TCF4: variants seen among roughly 807,000 people sequenced by gnomAD.
The protein encoded by TCF4 is SL3-3 enhancer factor 2.
In TCF4, 3 loss-of-function variants were observed where a neutral mutation model predicts 82.1. The ratio of observed to expected loss-of-function variants is 0.04; its 90% CI spans 0.02 to 0.09. TCF4 has a LOEUF of 0.09. Ranked by LOEUF, TCF4 falls within the 10% of genes least tolerant of loss-of-function variation. The pLI, the probability that TCF4 is intolerant of heterozygous loss-of-function variation, is 1.00. For missense variants in TCF4, 518 were observed against 852.7 expected (o/e 0.61, Z 4.89); for synonymous variants, 276 against 309.6 (o/e 0.89, Z 1.14).
At chr18:55,635,783 A>C in exon 1 of TCF4, 1 of 1,551,214 alleles carries the variant, frequency 6.4e-7, no homozygotes, top group Non-Finnish European at 8.7e-7. Context: ...GTTTTAAAAA[A>C]TGATGGCTGG....
chr18:55,463,971 TGTGTGTGAGAGA>T (rs1171567720), intron 4 of TCF4, 93 bp downstream of exon 4: 248 of 777,800 alleles, frequency 3.2e-4, no homozygotes, highest in Middle Eastern at 1.7e-3. Flanking sequence ...TGTGTGTGTG[TGTGTGTGAGAGA>T]GAGAGAGAGA....
chr18:55,261,692 A>G (rs1453885767), intron 11 of TCF4, among the ~76,000 whole-genome samples, 159 bp from the exon 12 acceptor site: 1 of 152,220 alleles, frequency 6.6e-6, no homozygotes, highest in Non-Finnish European at 1.5e-5. Context: ...GTAGATGTCA[A>G]ATATATTCAT....
chr18:55,465,450 T>G (rs934320963), intron 3 of TCF4, among the ~76,000 whole-genome samples: 1 of 152,050 alleles, frequency 6.6e-6, no homozygotes, highest in Non-Finnish European at 1.5e-5. Flanking sequence ...TTATTTCACT[T>G]CCTTTTAGTT....
intron 2 of TCF4, chr18:55,585,776 T>C: frequency 9.1e-7 from 1 of 1,100,844 alleles, no homozygotes; most frequent in Non-Finnish European, 1.1e-6. Context: ...GATTTGCCTG[T>C]CATATGTGAA....
Position 55,586,031 on chromosome 18 carries a change from A to T in TCF4, c.73-679T>A. On this transcript the variant is annotated intron_variant, in intron 2 of 19. Transcript: ENST00000354452. ...AACGAATGGAGAAAGTGCAACAAGC[A>T]GAAAGGGGGCTGCAAAGCTGCCTGC... 2.2e-6 allele frequency: 3 copies of T among 1,371,838 alleles called. 1 individual carries two copies. Among genetic ancestry groups the T allele is most frequent in the Non-Finnish European group, 2.9e-6 (3 of 1,047,336 alleles). The allele number at this position is 1,371,838 out of a possible 1,614,324, so 85.0% of individuals were successfully genotyped here.
intron 6 of TCF4, among the ~76,000 whole-genome samples, chr18:55,363,825 A>ATAAC (rs2086136082): frequency 6.6e-6 from 1 of 152,108 alleles, no homozygotes; most frequent in Non-Finnish European, 1.5e-5. Flanking sequence ...AAATAAATAA[A>ATAAC]TAAAAATAAA....
chr18:55,246,639 C>G (rs2053296407), intron 15 of TCF4, among the ~76,000 whole-genome samples: 1 of 151,894 alleles, frequency 6.6e-6, no homozygotes, highest in South Asian at 2.1e-4. Flanking sequence ...AAATGGTAAG[C>G]TCAAGGATTC....
upstream of TCF4, chr18:55,589,262 A>T: frequency 9.5e-7 from 1 of 1,050,578 alleles, no homozygotes; most frequent in Non-Finnish European, 1.1e-6. Flanking sequence ...ATTCAATTAC[A>T]AACAGTTTAC....
At chr18:55,585,861 ACTCT>A (rs149913198) in intron 2 of TCF4, 71 of 1,153,754 alleles carry the variant, frequency 6.2e-5, no homozygotes, top group East Asian at 1.4e-4. Flanking sequence ...TTGAAGCAAG[ACTCT>A]CTCTCTCTCT....
At chr18:55,324,607 G>A (rs1360330626) in intron 8 of TCF4, among the ~76,000 whole-genome samples, 1 of 152,098 alleles carries the variant, frequency 6.6e-6, no homozygotes, top group East Asian at 1.9e-4. Flanking sequence ...CACAGACACA[G>A]TTTTCACAGT....
chr18:55,339,544 G>A (rs1309482337), intron 8 of TCF4, among the ~76,000 whole-genome samples: 2 of 152,180 alleles, frequency 1.3e-5, no homozygotes, highest in Non-Finnish European at 2.9e-5. Context: ...GTACACGGAA[G>A]AAGTTCAGGG....
At chr18:55,304,506 A>C (rs572188274) in intron 8 of TCF4, among the ~76,000 whole-genome samples, 1 of 152,304 alleles carries the variant, frequency 6.6e-6, no homozygotes, top group Non-Finnish European at 1.5e-5. Context: ...ATGAAAAACA[A>C]TATCATGCAT....
At chr18:55,244,830 T>C (rs763047061) in intron 15 of TCF4, among the ~76,000 whole-genome samples, 4 of 152,174 alleles carry the variant, frequency 2.6e-5, no homozygotes, top group Non-Finnish European at 5.9e-5. Flanking sequence ...TCACACACTT[T>C]CAGCTCCAAA....
chr18:55,563,993 T>C (rs1234375455), intron 3 of TCF4, among the ~76,000 whole-genome samples: 1 of 152,206 alleles, frequency 6.6e-6, no homozygotes, highest in Non-Finnish European at 1.5e-5. Flanking sequence ...ATTCAAAATA[T>C]GTATGTTTAT....
chr18:55,497,775 G>C lies in TCF4; in HGVS notation c.146-33638C>G, dbSNP rs77354904. Among the ~76,000 whole-genome samples, 466 of 152,182 alleles carry C rather than the reference G, an allele frequency of 3.1e-3. 4 individuals are homozygous for C. Among genetic ancestry groups the C allele is most frequent in the African/African-American group, 0.01 (434 of 41,504 alleles). ...ATATCCAGCGGGGGGAAAATTATGA[G>C]AAGTGAATGAGAGAACAGAAATCAG... On this transcript the variant is annotated intron_variant, in intron 3 of 19. Coordinates refer to ENST00000354452, the MANE Select transcript of TCF4 (RefSeq NM_001083962.2).
At chr18:55,451,296 A>T (rs2095618096) in intron 5 of TCF4, among the ~76,000 whole-genome samples, 2 of 152,194 alleles carry the variant, frequency 1.3e-5, no homozygotes, top group South Asian at 2.1e-4. Context: ...GAGCACAGTG[A>T]TTACAAAGTG....
chr18:55,366,392 C>A (rs1029604788), intron 6 of TCF4, among the ~76,000 whole-genome samples: 1 of 152,106 alleles, frequency 6.6e-6, no homozygotes, highest in African/African-American at 2.4e-5. Context: ...ATATACATTG[C>A]GGCTGTTTCA....
rs775657966 is a variant in TCF4 at position 55,464,082 on chromosome 18, C to A, written c.201G>T (p.Pro67=). ...AAAGATTAGATATACTTACCCTGGA[C>A]GGGCTTGGATGTCCTCCATTCCCCC... ...GSWGNGGHPS[P]SRNYGDGTPY... The change falls in exon 4 of 20, where the codon CCG becomes CCT. Residue 67 remains proline, a synonymous_variant. Coordinates refer to ENST00000354452, the MANE Select transcript of TCF4 (RefSeq NM_001083962.2). 3.1e-6 allele frequency: 5 copies of A among 1,613,716 alleles called. No individual in the cohort carries two copies. The highest frequency in any genetic ancestry group is 4.2e-6 in the Non-Finnish European group (5 of 1,179,802).
intron 6 of TCF4, among the ~76,000 whole-genome samples, chr18:55,371,864 T>C (rs891124081): frequency 2.0e-5 from 3 of 152,212 alleles, no homozygotes; most frequent in African/African-American, 7.2e-5. Flanking sequence ...GCTGGGGTTT[T>C]GTGTCTCTGG....
Sources: allele counts gnomAD v4.1 joint callset (sites outside exome capture counted in the v4.1 genomes callset), GRCh38; gene constraint gnomAD v4.1.1; transcripts MANE v1.5; gene names NCBI Gene and HGNC (gene_info 2026-07-23, HGNC 2026-07-21).